The following ZC3H7A variants were observed in gnomAD, a reference collection of about 807,000 sequenced individuals.
ZC3H7A encodes the protein zinc finger CCCH-type containing 7A.
Under a neutral mutation model 125.5 loss-of-function variants are expected in ZC3H7A, and 44 were observed. That is an observed-to-expected ratio of 0.35 (90% CI 0.28 to 0.45). The LOEUF is 0.45. Among genes scored for constraint, ZC3H7A ranks in the 20% least tolerant of loss-of-function variants. The pLI is 1.00. For synonymous variants in ZC3H7A, 399 were observed against 391.2 expected, an observed-to-expected ratio of 1.02 and a Z score of -0.23; for missense variants, 977 against 1,170.7, an observed-to-expected ratio of 0.83 and a Z score of 2.41.
In ZC3H7A at chr16:11,765,440, G is replaced by T; in HGVS notation, c.1719+49C>A. The T allele has an allele frequency of 6.8e-7, 1 of 1,472,618 alleles. No homozygotes were observed. The highest frequency in any genetic ancestry group is 9.3e-7 in the Non-Finnish European group (1 of 1,072,316). 91.2% of individuals were successfully genotyped at this position (1,472,618 alleles called of 1,614,324 possible). A position where few individuals can be genotyped will look rare whatever the true frequency, so the allele number is the denominator to read the frequency against. On this transcript the variant is annotated intron_variant, in intron 14 of 22. Transcript: ENST00000355758. The surrounding 1 kb of genome is among the most constrained non-coding windows in gnomAD (Gnocchi z 4.8). The stretch of plus-strand genomic sequence containing the variant: ...ATCACATGGCAGGACAATACCACTG[G>T]GCTTGCAAATTCAACTTTACAGTGG...
chr16:11,769,789 T>TG (rs2052945850), intron 10 of ZC3H7A, among the ~76,000 whole-genome samples: 1 of 68,370 alleles, frequency 1.5e-5, no homozygotes, highest in Non-Finnish European at 2.9e-5. Flanking sequence ...GCTTTCTTTT[T>TG]TTTTTTTTTT....
At chr16:11,761,351 C>G in intron 19 of ZC3H7A, 55 bp downstream of exon 19, 2 of 1,496,724 alleles carry the variant, frequency 1.3e-6, no homozygotes, top group Non-Finnish European at 1.9e-6. Context: ...CTACTATTTT[C>G]TAATGATTTG....
chr16:11,757,690 G>C (rs1313519110), intron 20 of ZC3H7A, among the ~76,000 whole-genome samples: 1 of 152,032 alleles, frequency 6.6e-6, no homozygotes, highest in Non-Finnish European at 1.5e-5. Flanking sequence ...GCAAAAGCCT[G>C]GTGCGCAAGG....
At chr16:11,771,890 T>C (rs956766996) in intron 9 of ZC3H7A, among the ~76,000 whole-genome samples, 3 of 152,014 alleles carry the variant, frequency 2.0e-5, no homozygotes, top group African/African-American at 7.2e-5. Context: ...ACTACAGGGC[T>C]CATAAGAATT....
At chr16:11,760,456 C>T (rs1017638257) in intron 19 of ZC3H7A, among the ~76,000 whole-genome samples, 12 of 152,216 alleles carry the variant, frequency 7.9e-5, no homozygotes, top group African/African-American at 1.7e-4. Flanking sequence ...AACCTACCAA[C>T]GCCTTGAAAA....
chr16:11,779,416 T>C, intron 3 of ZC3H7A, 53 bp from the exon 4 acceptor site: 8 of 1,513,030 alleles, frequency 5.3e-6, no homozygotes, highest in Non-Finnish European at 6.3e-6. Context: ...AGATATGGTA[T>C]AAGTAAATTT....
intron 21 of ZC3H7A, among the ~76,000 whole-genome samples, chr16:11,755,115 C>T (rs963578217): frequency 1.3e-5 from 2 of 150,202 alleles, no homozygotes; most frequent in Non-Finnish European, 3.0e-5. Context: ...AAGGCTGAGG[C>T]AGGAGAATCG....
chr16:11,783,091 T>C (rs1377562167), intron 1 of ZC3H7A: 2 of 152,134 alleles, frequency 1.3e-5, no homozygotes, highest in African/African-American at 4.8e-5. Context: ...CCAGCCTTGT[T>C]TTGCTTCTGG....
intron 3 of ZC3H7A, among the ~76,000 whole-genome samples, 174 bp downstream of exon 3, chr16:11,781,251 G>A (rs925985428): frequency 6.6e-6 from 1 of 152,062 alleles, no homozygotes; most frequent in Non-Finnish European, 1.5e-5. Context: ...ACAAATGAGT[G>A]TGGCTGTGTT....
At chr16:11,783,608 C>T (rs1596401579) in intron 1 of ZC3H7A, among the ~76,000 whole-genome samples, 1 of 152,182 alleles carries the variant, frequency 6.6e-6, no homozygotes, top group Non-Finnish European at 1.5e-5. Context: ...GGGGAAAGCA[C>T]AATCAGCCCC....
rs1396823218 is a variant in ZC3H7A at position 11,770,684 on chromosome 16, CAT to C, written c.1108+97_1108+98del. On this transcript the variant is annotated intron_variant, in intron 10 of 22. Transcript: ENST00000355758. The stretch of plus-strand genomic sequence containing the variant: ...TTTTAGCTACAAAGAAAATAATTCA[CAT>C]GTCTACTACCTAGAGTCAGTTAAAT... 10 of 1,098,068 alleles carry C rather than the reference CAT, an allele frequency of 9.1e-6. No individual in the cohort carries two copies. In the African/African-American group the frequency reaches 1.3e-4, roughly 14 times the overall value. 68.0% of individuals were successfully genotyped at this position (1,098,068 alleles called of 1,614,324 possible).
At chr16:11,776,961 G>A (rs754217088) in intron 4 of ZC3H7A, 52 bp from the exon 5 acceptor site, 15 of 1,434,878 alleles carry the variant, frequency 1.0e-5, no homozygotes, top group Non-Finnish European at 1.4e-5. Flanking sequence ...TTCATTTCTT[G>A]CACTGAGGCC....
rs559442109 is a variant in ZC3H7A at position 11,774,299 on chromosome 16, C to A, written c.840G>T (p.Met280Ile). The A allele has an allele frequency of 1.2e-6, 2 of 1,613,704 alleles. No homozygotes were observed. Among genetic ancestry groups the A allele is most frequent in the Admixed American group, 3.3e-5 (2 of 59,946 alleles). The change falls in exon 9 of 23, where the codon ATG becomes ATT. Residue 280 changes from methionine (M) to isoleucine (I), a missense_variant. Coordinates refer to ENST00000355758, the MANE Select transcript of ZC3H7A (RefSeq NM_014153.4). ...GGTCATCTAGTTCATCTCCAAGGAC[C>A]ATATCTCCATCATCTAGAAAAGCTT... ...MPEAFLDDGD[M>I]VLGDELDDLL...
chr16:11,764,481 G>A (rs183839822), intron 15 of ZC3H7A, among the ~76,000 whole-genome samples: 57 of 152,062 alleles, frequency 3.7e-4, no homozygotes, highest in African/African-American at 1.3e-3. Context: ...CTCGGGAGGC[G>A]GAGGTTGCAG....
Position 11,776,822 on chromosome 16 carries a change from C to A in ZC3H7A, c.394G>T (p.Ala132Ser), listed in dbSNP as rs771464536. ...NCKALYRKSKALSDLGRYKKA... is the reference protein window; with the variant it reads ...NCKALYRKSKSLSDLGRYKKA... ...TTGTATCTTCCTAAATCACTTAAAG[C>A]CTTAGATTTCCGATACAGAGCTTTG... is the stretch of plus-strand genomic sequence containing the variant. The change falls in exon 5 of 23, where the codon GCT (alanine) becomes TCT (serine). Residue 132 changes from alanine (A) to serine (S), a missense_variant. Transcript: ENST00000355758. 4.3e-6 allele frequency: 7 copies of A among 1,613,812 alleles called. No individual in the cohort carries two copies. Among genetic ancestry groups the A allele is most frequent in the Non-Finnish European group, 4.2e-6 (5 of 1,179,966 alleles).
rs28703136 is a variant in ZC3H7A at position 11,756,710 on chromosome 16, G to A, written c.2429-340C>T. Among the ~76,000 whole-genome samples, 1,433 of 152,298 alleles carry A rather than the reference G, an allele frequency of 9.4e-3. 25 individuals are homozygous for A. The highest frequency in any genetic ancestry group is 0.033 in the African/African-American group (1,370 of 41,548). ...CTCACCACTGCCTCTGTCGCCCTAC[G>A]TTCCACACTCAGTGTCAGAGCTAGA... is the stretch of plus-strand genomic sequence containing the variant. On this transcript the variant is annotated intron_variant, in intron 20 of 22. Coordinates refer to ENST00000355758, the MANE Select transcript of ZC3H7A (RefSeq NM_014153.4).
At chr16:11,778,362 A>G (rs1316769331) in intron 4 of ZC3H7A, among the ~76,000 whole-genome samples, 4 of 142,428 alleles carry the variant, frequency 2.8e-5, no homozygotes, top group Non-Finnish European at 4.5e-5. Context: ...GCTTGAACCC[A>G]GGAGGCGGAG....
In ZC3H7A at chr16:11,765,041, C is replaced by T. The variant is rs1157480778; in HGVS notation, c.1820+12G>A. The T allele has an allele frequency of 4.0e-6, 6 of 1,509,048 alleles. No individual in the cohort carries two copies. The highest frequency in any genetic ancestry group is 5.4e-6 in the Non-Finnish European group (6 of 1,113,302). The allele number at this position is 1,509,048 out of a possible 1,614,324, so 93.5% of individuals were successfully genotyped here. ...ATTTTGTCATTACAGAAATTAGAAA[C>T]TATCAACATACTTATTGTCTTCAAA... On this transcript the variant is annotated intron_variant, in intron 15 of 22. Transcript: ENST00000355758. This position sits in a 1 kb window ranked among gnomAD's most constrained non-coding sequence, Gnocchi z 4.8.
At chr16:11,795,063 C>T (rs8048397) in intron 1 of ZC3H7A, among the ~76,000 whole-genome samples, 47,475 of 152,136 alleles carry the variant, frequency 0.31, 9,059 homozygotes, top group African/African-American at 0.54. Flanking sequence ...TGAGCCTCAA[C>T]AACTCATGAT....
Sources: gnomAD v4.1 joint callset for allele counts (sites outside exome capture counted in the v4.1 genomes callset) on GRCh38, gnomAD v4.1.1 for gene constraint, Gnocchi (gnomAD v3.1) non-coding constraint, MANE v1.5 for transcripts, NCBI Gene and HGNC (gene_info 2026-07-23, HGNC 2026-07-21) for gene names.